The following ZFAT variants were observed in gnomAD, a reference collection of about 807,000 sequenced individuals.
ZFAT encodes the protein zinc finger protein ZFAT.
In ZFAT, 64 loss-of-function variants were observed where a neutral mutation model predicts 117.7. The observed-to-expected ratio is 0.54, with a 90% confidence interval of 0.44 to 0.67. The LOEUF (loss-of-function observed/expected upper bound fraction) is 0.67. Ranked by LOEUF, ZFAT falls within the 30% of genes least tolerant of loss-of-function variation. The pLI is 0.00. For missense variants in ZFAT, 1,433 were observed against 1,584.5 expected, an observed-to-expected ratio of 0.90 and a Z score of 1.62; for synonymous variants, 679 against 615.0, an observed-to-expected ratio of 1.10 and a Z score of -1.54.
At chr8:134,639,833 C>T (rs146596899) in intron 2 of ZFAT, 79 of 454,774 alleles carry the variant, frequency 1.7e-4, no homozygotes, top group African/African-American at 1.3e-3. Context: ...CTGAAGCCTG[C>T]GGCCCAGGTC....
At chr8:134,784,619 G>A in the ZFAT span, 2 of 151,850 alleles carry the variant, frequency 1.3e-5, no homozygotes, top group African/African-American at 4.8e-5. Flanking sequence ...ATAAACTGCT[G>A]TTGCTTTTCT....
At chr8:134,640,978 C>T (rs921923609) in intron 2 of ZFAT, among the ~76,000 whole-genome samples, 20 of 152,266 alleles carry the variant, frequency 1.3e-4, no homozygotes, top group Admixed American at 1.3e-3. Context: ...TGTCACTAAA[C>T]TCTATGGACT....
At chr8:134,658,803 C>T (rs1831778864) in intron 1 of ZFAT, among the ~76,000 whole-genome samples, 1 of 152,314 alleles carries the variant, frequency 6.6e-6, no homozygotes, top group East Asian at 1.9e-4. Context: ...CCAAAAGGCC[C>T]AGGTTAAATT....
intron 1 of ZFAT, among the ~76,000 whole-genome samples, chr8:134,677,027 A>G (rs1832839558): frequency 1.3e-5 from 2 of 152,224 alleles, no homozygotes. Flanking sequence ...TAACATCACA[A>G]TTAAAAGAAC....
At chr8:134,503,695 A>G (rs1048928056) in intron 15 of ZFAT, among the ~76,000 whole-genome samples, 2 of 152,154 alleles carry the variant, frequency 1.3e-5, no homozygotes, top group Non-Finnish European at 2.9e-5. Context: ...CCTTTTGAAA[A>G]GGAGGGAATT....
chr8:134,693,656 T>A (rs1006085956), intron 1 of ZFAT, among the ~76,000 whole-genome samples: 1 of 151,888 alleles, frequency 6.6e-6, no homozygotes, highest in South Asian at 2.1e-4. Context: ...AACTAGTAAA[T>A]GCGGAAGAAA....
At chr8:134,703,975 T>A (rs572159046) in intron 1 of ZFAT, among the ~76,000 whole-genome samples, 1 of 152,208 alleles carries the variant, frequency 6.6e-6, no homozygotes, top group South Asian at 2.1e-4. Flanking sequence ...TCCTCCTCTA[T>A]GAAAACTCTA....
At chr8:134,810,716 G>A in the ZFAT span, among the ~76,000 whole-genome samples, 3 of 150,530 alleles carry the variant, frequency 2.0e-5, no homozygotes, top group African/African-American at 7.4e-5. Flanking sequence ...AGCTCTCACA[G>A]AATAGTTGTG....
chr8:134,815,572 A>C, the ZFAT span, among the ~76,000 whole-genome samples: 1 of 152,138 alleles, frequency 6.6e-6, no homozygotes, highest in Non-Finnish European at 1.5e-5. Flanking sequence ...CATTCTTCTT[A>C]TTGTGGCTTG....
At chr8:134,626,950 G>A (rs905444722) in intron 3 of ZFAT, among the ~76,000 whole-genome samples, 14 of 152,252 alleles carry the variant, frequency 9.2e-5, no homozygotes, top group Non-Finnish European at 2.9e-5. Flanking sequence ...ATGCCATAAA[G>A]AATGAGACAG....
At chr8:134,816,032 G>A in the ZFAT span, among the ~76,000 whole-genome samples, 10 of 152,082 alleles carry the variant, frequency 6.6e-5, no homozygotes, top group African/African-American at 2.2e-4. Flanking sequence ...AACAGTGTCT[G>A]GCATATAGTG....
At chr8:134,672,199 A>T (rs1289045920) in intron 1 of ZFAT, among the ~76,000 whole-genome samples, 1 of 152,258 alleles carries the variant, frequency 6.6e-6, no homozygotes, top group Non-Finnish European at 1.5e-5. Flanking sequence ...TTATAGATTC[A>T]ATGCCATCCC....
intron 1 of ZFAT, among the ~76,000 whole-genome samples, chr8:134,705,969 T>C (rs1289274709): frequency 6.6e-6 from 1 of 152,192 alleles, no homozygotes; most frequent in African/African-American, 2.4e-5. Context: ...GAGATACCAC[T>C]GCATATCCTC....
chr8:134,704,522 T>C (rs1834096971), intron 1 of ZFAT, among the ~76,000 whole-genome samples: 1 of 152,242 alleles, frequency 6.6e-6, no homozygotes, highest in Admixed American at 6.5e-5. Context: ...CAGCCTGGAC[T>C]GCACTAGGAC....
the ZFAT span, among the ~76,000 whole-genome samples, chr8:134,817,601 A>G: frequency 6.6e-6 from 1 of 152,224 alleles, no homozygotes; most frequent in African/African-American, 2.4e-5. Context: ...AGAAGACTCA[A>G]TAATTTTAAA....
the ZFAT span, among the ~76,000 whole-genome samples, chr8:134,724,199 AC>A: frequency 6.6e-6 from 1 of 152,170 alleles, no homozygotes; most frequent in Non-Finnish European, 1.5e-5. Context: ...TGCATTGGTC[AC>A]CATCTTGGAG....
At chr8:134,576,602 C>T (rs1421325398) in intron 10 of ZFAT, among the ~76,000 whole-genome samples, 7 of 152,196 alleles carry the variant, frequency 4.6e-5, no homozygotes, top group Non-Finnish European at 8.8e-5. Context: ...CTTCCTGGTT[C>T]TGTTTTTAGA....
the ZFAT span, among the ~76,000 whole-genome samples, chr8:134,755,354 A>T: frequency 7.4e-5 from 11 of 148,770 alleles, no homozygotes; most frequent in Admixed American, 6.1e-4. Flanking sequence ...TGGAGGTTGC[A>T]GTGAGCCAAG....
intron 11 of ZFAT, among the ~76,000 whole-genome samples, chr8:134,554,517 G>C (rs1823417045): frequency 6.6e-6 from 1 of 152,132 alleles, no homozygotes; most frequent in African/African-American, 2.4e-5. Context: ...ACTTCACCAA[G>C]GGCAAGAGGG....
Sources: allele counts gnomAD v4.1 joint callset (sites outside exome capture counted in the v4.1 genomes callset), GRCh38; gene constraint gnomAD v4.1.1; transcripts MANE v1.5; gene names NCBI Gene and HGNC (gene_info 2026-07-23, HGNC 2026-07-21).